Variants in ANO2 observed in about 807,000 individuals in gnomAD.
ANO2 encodes anoctamin 2, also known as anoctamin-2.
A neutral mutation model predicts 124.2 loss-of-function variants in ANO2; 101 were observed. That is an observed-to-expected ratio of 0.81 (90% CI 0.69 to 0.96). The LOEUF (loss-of-function observed/expected upper bound fraction) is 0.96, where lower values mean the gene tolerates loss of function less well. ANO2 is among the 40% of genes least tolerant of loss of function. ANO2 has a pLI of 0.00. For synonymous variants in ANO2, 486 were observed against 482.5 expected (o/e 1.01, Z -0.09); for missense variants, 1,293 against 1,274.5 (o/e 1.01, Z -0.22).
At chr12:5,648,916 G>C (rs1363349804) in intron 14 of ANO2, among the ~76,000 whole-genome samples, 1 of 152,160 alleles carries the variant, frequency 6.6e-6, no homozygotes, top group African/African-American at 2.4e-5. Flanking sequence ...ACCTGATTTG[G>C]TGCTAGCAAC....
At chr12:5,764,280 A>G (rs1254062579) in intron 10 of ANO2, among the ~76,000 whole-genome samples, 2 of 152,134 alleles carry the variant, frequency 1.3e-5, no homozygotes, top group Admixed American at 6.5e-5. Context: ...TTTTCATCTG[A>G]CCCTTCCATG....
intron 10 of ANO2, among the ~76,000 whole-genome samples, chr12:5,752,505 T>G (rs1264976555): frequency 1.3e-5 from 2 of 152,238 alleles, no homozygotes; most frequent in Non-Finnish European, 2.9e-5. Flanking sequence ...TTGTATGTCT[T>G]CTTTGGTGAA....
chr12:5,875,292 T>C (rs1938017926), intron 3 of ANO2, among the ~76,000 whole-genome samples: 1 of 152,230 alleles, frequency 6.6e-6, no homozygotes, highest in Non-Finnish European at 1.5e-5. Flanking sequence ...CATGAGATAC[T>C]AAGAAGCACA....
At chr12:5,855,198 G>A (rs1955061149) in intron 3 of ANO2, among the ~76,000 whole-genome samples, 1 of 152,150 alleles carries the variant, frequency 6.6e-6, no homozygotes, top group Admixed American at 6.5e-5. Flanking sequence ...TTGGTTTAGT[G>A]TTGAAGACTA....
At chr12:5,870,273 T>C (rs1955538074) in intron 3 of ANO2, 1 of 152,312 alleles carries the variant, frequency 6.6e-6, no homozygotes, top group Non-Finnish European at 1.5e-5. Context: ...GTCCACAGTG[T>C]TTCCTGCTCA....
intron 23 of ANO2, among the ~76,000 whole-genome samples, chr12:5,572,615 G>C (rs927271415): frequency 1.3e-5 from 2 of 152,048 alleles, no homozygotes; most frequent in African/African-American, 2.4e-5. Flanking sequence ...ACTATATCTC[G>C]CTCCCTATTA....
intron 3 of ANO2, among the ~76,000 whole-genome samples, chr12:5,910,238 G>A (rs1940962534): frequency 6.6e-6 from 1 of 152,190 alleles, no homozygotes; most frequent in Non-Finnish European, 1.5e-5. Context: ...GGAGTGCAGT[G>A]GCACAATCTC....
chr12:5,661,490 G>A (rs988917024), intron 14 of ANO2, among the ~76,000 whole-genome samples: 5 of 152,170 alleles, frequency 3.3e-5, no homozygotes, highest in Non-Finnish European at 7.3e-5. Flanking sequence ...TCTAAGGGGT[G>A]CCTATAGCTT....
intron 7 of ANO2, among the ~76,000 whole-genome samples, chr12:5,825,963 C>T (rs571979804): frequency 4.6e-5 from 7 of 152,288 alleles, no homozygotes; most frequent in Middle Eastern, 3.4e-3. Context: ...ACACCAGCTA[C>T]GACCACATGA....
intron 11 of ANO2, among the ~76,000 whole-genome samples, chr12:5,746,413 T>C (rs1363609424): frequency 1.3e-5 from 2 of 152,146 alleles, no homozygotes; most frequent in Non-Finnish European, 2.9e-5. Flanking sequence ...AACAGAATTC[T>C]AGAGGAATTC....
intron 14 of ANO2, among the ~76,000 whole-genome samples, chr12:5,676,899 C>T (rs999593309): frequency 3.3e-5 from 5 of 151,986 alleles, no homozygotes; most frequent in African/African-American, 7.2e-5. Context: ...ACTAAAAGTA[C>T]AAAAATTAAC....
intron 14 of ANO2, 78 bp from the exon 15 acceptor site, chr12:5,647,879 T>G: frequency 1.1e-5 from 11 of 1,045,792 alleles, no homozygotes; most frequent in Non-Finnish European, 1.6e-5. Context: ...TGCATATATT[T>G]GCATGCGATT....
intron 3 of ANO2, among the ~76,000 whole-genome samples, chr12:5,864,127 C>A (rs1955356736): frequency 6.6e-6 from 1 of 152,270 alleles, no homozygotes; most frequent in East Asian, 1.9e-4. Context: ...CACCATGTTT[C>A]TTGGATCCCA....
At chr12:5,660,125 A>T (rs1381839508) in intron 14 of ANO2, among the ~76,000 whole-genome samples, 3 of 152,098 alleles carry the variant, frequency 2.0e-5, no homozygotes, top group African/African-American at 7.2e-5. Context: ...CAACAGGTTT[A>T]TCAGGCCATT....
intron 13 of ANO2, among the ~76,000 whole-genome samples, chr12:5,736,326 G>A (rs372943905): frequency 1.3e-5 from 2 of 152,166 alleles, no homozygotes; most frequent in East Asian, 1.9e-4. Context: ...CCTGCTGAAG[G>A]CACCCAGGTG....
intron 3 of ANO2, among the ~76,000 whole-genome samples, chr12:5,874,322 T>C (rs1937942098): frequency 6.6e-6 from 1 of 152,182 alleles, no homozygotes; most frequent in Non-Finnish European, 1.5e-5. Flanking sequence ...AGACCTAATC[T>C]GCCCAATTCA....
chr12:5,735,710 A>G (rs1453939739), intron 13 of ANO2, among the ~76,000 whole-genome samples: 1 of 152,168 alleles, frequency 6.6e-6, no homozygotes, highest in African/African-American at 2.4e-5. Flanking sequence ...AGTCTGGGGG[A>G]AAAGCAGTCT....
Position 5,710,789 on chromosome 12 carries a change from T to A in ANO2, c.1545+21731A>T, listed in dbSNP as rs574188329. 2.0e-5 allele frequency among the ~76,000 whole-genome samples: 3 copies of A among 152,282 alleles called. No individual in the cohort carries two copies. In the East Asian group the frequency reaches 5.8e-4, roughly 29 times the overall value. ...ATCAAGAAGTTGGGAGTCATGTTCC[T>A]ATCAATTCTGTTTAAAGAAAAAAAA... is the stretch of plus-strand genomic sequence containing the variant. On this transcript the variant is annotated intron_variant, in intron 14 of 24. Transcript: ENST00000682330.
At chr12:5,673,983 T>C (rs1289089542) in intron 14 of ANO2, among the ~76,000 whole-genome samples, 1 of 152,114 alleles carries the variant, frequency 6.6e-6, no homozygotes, top group East Asian at 1.9e-4. Context: ...CCACTCCTCT[T>C]CTGGTTCTCT....
Sources: gnomAD v4.1 joint callset for allele counts (sites outside exome capture counted in the v4.1 genomes callset) on GRCh38, gnomAD v4.1.1 for gene constraint, MANE v1.5 for transcripts, NCBI Gene and HGNC (gene_info 2026-07-23, HGNC 2026-07-21) for gene names.